CNTNAP2: variants seen among roughly 807,000 people sequenced by gnomAD.
CNTNAP2 encodes the protein contactin associated protein 2, also known as contactin-associated protein-like 2.
In CNTNAP2, 98 loss-of-function variants were observed where a neutral mutation model predicts 155.2. The ratio of observed to expected loss-of-function variants is 0.63; its 90% CI spans 0.54 to 0.75. The LOEUF (loss-of-function observed/expected upper bound fraction) is 0.75, where lower values mean the gene tolerates loss of function less well. Ranked by LOEUF, CNTNAP2 falls within the 30% of genes least tolerant of loss-of-function variation. The probability of loss-of-function intolerance (pLI) is 0.00; values close to 1 mark genes in which losing one functional copy is unlikely to be tolerated. For synonymous variants in CNTNAP2, 651 were observed against 631.2 expected (o/e 1.03, Z -0.47); for missense variants, 1,727 against 1,688.1 (o/e 1.02, Z -0.40).
chr7:147,232,894 G>C (rs552202443), intron 8 of CNTNAP2, among the ~76,000 whole-genome samples: 1 of 152,304 alleles, frequency 6.6e-6, no homozygotes, highest in East Asian at 1.9e-4. Context: ...GAAGCCTTGA[G>C]TGTAGATGAA....
intron 21 of CNTNAP2, among the ~76,000 whole-genome samples, chr7:148,267,844 A>G (rs959594287): frequency 5.3e-5 from 8 of 152,168 alleles, no homozygotes; most frequent in Non-Finnish European, 1.0e-4. Context: ...TCTACCTACT[A>G]GCAATATGTA....
intron 2 of CNTNAP2, among the ~76,000 whole-genome samples, chr7:146,830,599 C>A (rs927541425): frequency 1.3e-5 from 2 of 152,070 alleles, no homozygotes; most frequent in Non-Finnish European, 2.9e-5. Context: ...TTACATAATT[C>A]TTTCTAAGCA....
chr7:147,655,692 C>G (rs1044605462), intron 13 of CNTNAP2, among the ~76,000 whole-genome samples: 2 of 152,172 alleles, frequency 1.3e-5, no homozygotes, highest in African/African-American at 4.8e-5. Flanking sequence ...CTTTGTTGTT[C>G]CATTTCTAGA....
At chr7:148,248,430 C>T (rs1796312474) in intron 20 of CNTNAP2, among the ~76,000 whole-genome samples, 1 of 152,164 alleles carries the variant, frequency 6.6e-6, no homozygotes, top group East Asian at 1.9e-4. Flanking sequence ...AACTCCTGAC[C>T]TCATGATCTG....
chr7:147,302,044 T>C (rs770271950), intron 9 of CNTNAP2, among the ~76,000 whole-genome samples: 2 of 152,206 alleles, frequency 1.3e-5, no homozygotes, highest in Non-Finnish European at 2.9e-5. Flanking sequence ...AATAAATATT[T>C]GATGAGTAGA....
chr7:147,328,955 A>G (rs1795508270), intron 9 of CNTNAP2, among the ~76,000 whole-genome samples: 1 of 152,134 alleles, frequency 6.6e-6, no homozygotes, highest in Non-Finnish European at 1.5e-5. Context: ...TGCATTTGTA[A>G]CCTCAAATTA....
intron 3 of CNTNAP2, among the ~76,000 whole-genome samples, chr7:146,889,151 T>A (rs1192267087): frequency 6.6e-6 from 1 of 152,186 alleles, no homozygotes; most frequent in Non-Finnish European, 1.5e-5. Context: ...TGTGTACAGC[T>A]TTTTCTATAT....
At chr7:147,998,107 T>G (rs1397338207) in intron 15 of CNTNAP2, among the ~76,000 whole-genome samples, 1 of 105,056 alleles carries the variant, frequency 9.5e-6, no homozygotes, top group African/African-American at 5.1e-5. Flanking sequence ...TTTTTTCTTT[T>G]TTTTTTTTTT....
chr7:147,710,623 T>C (rs1405116940), intron 13 of CNTNAP2, among the ~76,000 whole-genome samples: 1 of 152,160 alleles, frequency 6.6e-6, no homozygotes, highest in Non-Finnish European at 1.5e-5. Context: ...GACTATACCG[T>C]TCCCTAAATG....
At chr7:147,876,941 G>A (rs980620091) in intron 13 of CNTNAP2, among the ~76,000 whole-genome samples, 16 of 152,022 alleles carry the variant, frequency 1.1e-4, no homozygotes, top group Admixed American at 3.3e-4. Context: ...GGCTGGTGTC[G>A]GGTGATTTCA....
intron 9 of CNTNAP2, among the ~76,000 whole-genome samples, chr7:147,373,649 G>T (rs1257576218): frequency 6.6e-6 from 1 of 151,998 alleles, no homozygotes; most frequent in Non-Finnish European, 1.5e-5. Context: ...GTTTCTAGTT[G>T]TAAACAGTAA....
chr7:146,799,051 C>T (rs1802825075), intron 2 of CNTNAP2, among the ~76,000 whole-genome samples: 1 of 152,150 alleles, frequency 6.6e-6, no homozygotes, highest in Non-Finnish European at 1.5e-5. Flanking sequence ...TGAACCACAA[C>T]CACATCACTT....
rs574912526 is a variant in CNTNAP2 at position 147,180,896 on chromosome 7, A to G, written c.1348+48387A>G. On this transcript the variant is annotated intron_variant, in intron 8 of 23. Transcript: ENST00000361727. ...CTAAAGAATACAGAGAAAACATTAT[A>G]AAATAGCAATGGATCAGCAAAATGG... is the stretch of plus-strand genomic sequence containing the variant. Among the ~76,000 whole-genome samples the G allele has an allele frequency of 2.6e-5, 4 of 152,224 alleles. No individual in the cohort carries two copies. The East Asian group carries it at 5.8e-4, about 22-fold the overall frequency.
chr7:146,753,380 A>T (rs1801939244), intron 1 of CNTNAP2, among the ~76,000 whole-genome samples: 1 of 151,844 alleles, frequency 6.6e-6, no homozygotes, highest in African/African-American at 2.4e-5. Flanking sequence ...TAAAAAAAAA[A>T]TGTAAGAATG....
chr7:146,589,245 G>A (rs148440605), intron 1 of CNTNAP2, among the ~76,000 whole-genome samples: 1 of 152,072 alleles, frequency 6.6e-6, no homozygotes, highest in East Asian at 1.9e-4. Flanking sequence ...TAAAAAACAA[G>A]GTATACTAAA....
intron 11 of CNTNAP2, among the ~76,000 whole-genome samples, chr7:147,514,431 C>T (rs2116695062): frequency 6.6e-6 from 1 of 151,762 alleles, no homozygotes; most frequent in African/African-American, 2.4e-5. Flanking sequence ...TTACCATCTA[C>T]TTTAAAAGTC....
chr7:148,285,740 G>A (rs1378584106), intron 21 of CNTNAP2, among the ~76,000 whole-genome samples: 1 of 152,168 alleles, frequency 6.6e-6, no homozygotes, highest in Admixed American at 6.5e-5. Context: ...TGTGCTTGTT[G>A]GTTTATTTAC....
At chr7:147,160,251 G>T (rs1238944323) in intron 8 of CNTNAP2, among the ~76,000 whole-genome samples, 1 of 152,058 alleles carries the variant, frequency 6.6e-6, no homozygotes, top group Non-Finnish European at 1.5e-5. Flanking sequence ...CGTGATGTTA[G>T]TGGATGCTTA....
At chr7:148,336,151 A>G (rs949608818) in intron 21 of CNTNAP2, among the ~76,000 whole-genome samples, 2 of 152,222 alleles carry the variant, frequency 1.3e-5, no homozygotes, top group Admixed American at 6.5e-5. Context: ...ATTTGAATCC[A>G]GTGTCAGAAT....
Sources: gnomAD v4.1 joint callset for allele counts (sites outside exome capture counted in the v4.1 genomes callset) on GRCh38, gnomAD v4.1.1 for gene constraint, MANE v1.5 for transcripts, NCBI Gene and HGNC (gene_info 2026-07-23, HGNC 2026-07-21) for gene names.